Variants in CEP63 observed in about 807,000 individuals in gnomAD.
CEP63 encodes the protein centrosomal protein 63.
A neutral mutation model predicts 89.1 loss-of-function variants in CEP63; 84 were observed. The observed-to-expected ratio is 0.94, with a 90% confidence interval of 0.79 to 1.13. The LOEUF is 1.13. Among genes scored for constraint, CEP63 ranks in the 50% most tolerant of loss-of-function variants. CEP63 has a pLI of 0.00. For synonymous variants in CEP63, 267 were observed against 272.5 expected, an observed-to-expected ratio of 0.98 and a Z score of 0.20; for missense variants, 838 against 813.3, an observed-to-expected ratio of 1.03 and a Z score of -0.37.
the CEP63 span, chr3:134,608,864 C>A: frequency 6.3e-7 from 1 of 1,588,938 alleles, no homozygotes. Flanking sequence ...AGCTGGTTAG[C>A]AGCCAGCTCC....
chr3:134,607,326 C>T, the CEP63 span: 1 of 985,524 alleles, frequency 1.0e-6, no homozygotes, highest in Non-Finnish European at 1.2e-6. Flanking sequence ...GTGGAAGGGA[C>T]AAGTCAGTTG....
chr3:134,555,711 C>G (rs1473230582), intron 12 of CEP63, among the ~76,000 whole-genome samples: 7 of 151,680 alleles, frequency 4.6e-5, no homozygotes, highest in Non-Finnish European at 7.4e-5. Flanking sequence ...AGGTAATTTA[C>G]AGATTCAATG....
intron 10 of CEP63, among the ~76,000 whole-genome samples, chr3:134,586,042 T>G (rs1958477643): frequency 6.6e-6 from 1 of 152,162 alleles, no homozygotes; most frequent in African/African-American, 2.4e-5. Context: ...TGCTTTCTAT[T>G]TGCTTAGTAG....
At chr3:134,514,200 T>C (rs868224650) in intron 3 of CEP63, among the ~76,000 whole-genome samples, 7 of 151,942 alleles carry the variant, frequency 4.6e-5, no homozygotes, top group African/African-American at 1.2e-4. Context: ...AATTGAAAAA[T>C]AGAATGACTG....
chr3:134,713,326 A>C, the CEP63 span, among the ~76,000 whole-genome samples: 1 of 152,194 alleles, frequency 6.6e-6, no homozygotes, highest in Non-Finnish European at 1.5e-5. Context: ...CAATTGGTGT[A>C]GAGATGGGCA....
At chr3:134,752,741 C>G in the CEP63 span, among the ~76,000 whole-genome samples, 1 of 152,112 alleles carries the variant, frequency 6.6e-6, no homozygotes, top group Non-Finnish European at 1.5e-5. Context: ...GCACCTTATC[C>G]GGGGAGAAAA....
the CEP63 span, among the ~76,000 whole-genome samples, chr3:134,753,923 G>T: frequency 6.6e-6 from 1 of 152,148 alleles, no homozygotes; most frequent in Non-Finnish European, 1.5e-5. Context: ...TGTGCATCTT[G>T]TGAGTATCTG....
At chr3:134,745,503 G>C in the CEP63 span, among the ~76,000 whole-genome samples, 1 of 152,250 alleles carries the variant, frequency 6.6e-6, no homozygotes, top group East Asian at 1.9e-4. Context: ...AAACATCTTT[G>C]AGAATGTCTG....
chr3:134,580,306 G>A (rs910954504), intron 10 of CEP63, among the ~76,000 whole-genome samples: 3 of 152,188 alleles, frequency 2.0e-5, no homozygotes, highest in African/African-American at 7.2e-5. Flanking sequence ...GCCTGGGGCT[G>A]TGGGTGGGTA....
At chr3:134,720,682 A>G in the CEP63 span, among the ~76,000 whole-genome samples, 2 of 151,840 alleles carry the variant, frequency 1.3e-5, no homozygotes, top group African/African-American at 4.8e-5. Flanking sequence ...GTCCAACTTC[A>G]CTCTTTTGCA....
intron 3 of CEP63, 89 bp from the exon 4 acceptor site, chr3:134,531,756 T>C (rs919468142): frequency 9.9e-7 from 1 of 1,008,776 alleles, no homozygotes; most frequent in African/African-American, 1.6e-5. Context: ...AATTTACAAA[T>C]AAATACAGAG....
chr3:134,747,978 G>T, the CEP63 span, among the ~76,000 whole-genome samples: 1 of 152,080 alleles, frequency 6.6e-6, no homozygotes, highest in Non-Finnish European at 1.5e-5. Flanking sequence ...TAGAGACAGG[G>T]TTTCACCATA....
chr3:134,711,046 A>G, the CEP63 span, among the ~76,000 whole-genome samples: 1 of 152,088 alleles, frequency 6.6e-6, no homozygotes, highest in Non-Finnish European at 1.5e-5. Flanking sequence ...TTTCAAGATT[A>G]GGATTTAGCC....
At chr3:134,771,058 G>A in the CEP63 span, among the ~76,000 whole-genome samples, 5 of 152,194 alleles carry the variant, frequency 3.3e-5, no homozygotes, top group Admixed American at 3.3e-4. Context: ...ACGAAGTCAA[G>A]GAGGGTAATT....
the CEP63 span, among the ~76,000 whole-genome samples, chr3:134,601,657 G>A: frequency 4.8e-4 from 73 of 152,326 alleles, 1 homozygote; most frequent in South Asian, 0.015. Context: ...GGGTGGCCTC[G>A]GTGGCAGAGA....
chr3:134,631,349 AT>A, the CEP63 span, among the ~76,000 whole-genome samples: 1 of 152,212 alleles, frequency 6.6e-6, no homozygotes, highest in Non-Finnish European at 1.5e-5. Context: ...AGCCAAGAGA[AT>A]TTGGTACCAA....
At chr3:134,699,292 G>A in the CEP63 span, among the ~76,000 whole-genome samples, 1 of 152,218 alleles carries the variant, frequency 6.6e-6, no homozygotes, top group South Asian at 2.1e-4. Context: ...CACCAAGCTG[G>A]ATGGATCGGT....
At chr3:134,627,887 A>C in the CEP63 span, 1 of 1,243,090 alleles carries the variant, frequency 8.0e-7, no homozygotes, top group Non-Finnish European at 1.2e-6. Flanking sequence ...CTGATGACTC[A>C]CCTTCTGGTG....
the CEP63 span, among the ~76,000 whole-genome samples, chr3:134,781,848 T>G: frequency 6.6e-6 from 1 of 152,202 alleles, no homozygotes; most frequent in African/African-American, 2.4e-5. Flanking sequence ...AATGTAGCTT[T>G]CTTTCTTTCT....
Sources: allele counts gnomAD v4.1 joint callset (sites outside exome capture counted in the v4.1 genomes callset), GRCh38; gene constraint gnomAD v4.1.1; transcripts MANE v1.5; gene names NCBI Gene and HGNC (gene_info 2026-07-23, HGNC 2026-07-21).